DNAJC5B: variants seen among roughly 807,000 people sequenced by gnomAD.
DNAJC5B encodes dnaJ homolog subfamily C member 5B.
Under a neutral mutation model 24.7 loss-of-function variants are expected in DNAJC5B, and 23 were observed. That is an observed-to-expected ratio of 0.93 (90% CI 0.67 to 1.32). The LOEUF (loss-of-function observed/expected upper bound fraction) is 1.32. Among genes scored for constraint, DNAJC5B ranks in the 40% most tolerant of loss-of-function variants. The pLI is 0.00. For missense variants in DNAJC5B, 238 were observed against 240.8 expected (o/e 0.99, Z 0.08); for synonymous variants, 101 against 90.1 (o/e 1.12, Z -0.68).
intron 1 of DNAJC5B, among the ~76,000 whole-genome samples, chr8:66,024,695 C>T (rs1430877288): frequency 1.9e-4 from 8 of 41,364 alleles, no homozygotes; most frequent in South Asian, 8.5e-4. Context: ...TTTGTTCTTG[C>T]GATAGTTTAC....
At chr8:66,082,988 ATTTTC>A (rs1301014918) in intron 5 of DNAJC5B, among the ~76,000 whole-genome samples, 2 of 98,056 alleles carry the variant, frequency 2.0e-5, no homozygotes, top group Non-Finnish European at 4.5e-5. Context: ...ATTTTGTAAT[ATTTTC>A]TTTTCTTTTC....
chr8:66,035,203 G>T (rs570741440), intron 1 of DNAJC5B, among the ~76,000 whole-genome samples: 1 of 152,122 alleles, frequency 6.6e-6, no homozygotes, highest in Non-Finnish European at 1.5e-5. Flanking sequence ...CACCATCCCT[G>T]GAAATCTAGT....
intron 5 of DNAJC5B, among the ~76,000 whole-genome samples, chr8:66,094,294 GA>G (rs1189389938): frequency 6.6e-6 from 1 of 152,036 alleles, no homozygotes; most frequent in Admixed American, 6.6e-5. Flanking sequence ...TTAAGAATCT[GA>G]GTCTTTTAAT....
At chr8:66,073,991 A>G (rs779847537) in intron 3 of DNAJC5B, among the ~76,000 whole-genome samples, 2 of 152,256 alleles carry the variant, frequency 1.3e-5, no homozygotes, top group Non-Finnish European at 2.9e-5. Context: ...AAAGTAAAAC[A>G]ACAAGAAAGC....
At position 66,072,397 on chromosome 8, in the gene DNAJC5B, C is replaced by T. The variant is rs761661968; in HGVS notation, c.120-4263C>T. Among the ~76,000 whole-genome samples the T allele has an allele frequency of 1.0e-3, 153 of 152,148 alleles. 1 individual carries two copies. The Middle Eastern group carries it at 0.014, about 14-fold the overall frequency. ...AAGGATATAGAAGATTTGAACAAAA[C>T]AATTAACAAACAAAATCAAAAACTA... On this transcript the variant is annotated intron_variant, in intron 3 of 5. Coordinates refer to ENST00000276570, the MANE Select transcript of DNAJC5B (RefSeq NM_033105.6).
intron 3 of DNAJC5B, among the ~76,000 whole-genome samples, chr8:66,074,000 GC>G (rs1254157529): frequency 6.6e-6 from 1 of 152,120 alleles, no homozygotes; most frequent in Non-Finnish European, 1.5e-5. Context: ...CAACAAGAAA[GC>G]CCCAGAATGG....
chr8:66,016,290 T>C, the DNAJC5B span, among the ~76,000 whole-genome samples: 1 of 152,182 alleles, frequency 6.6e-6, no homozygotes, highest in Non-Finnish European at 1.5e-5. Context: ...AATCCTCACA[T>C]GTTGTGGGAG....
intron 3 of DNAJC5B, among the ~76,000 whole-genome samples, chr8:66,073,799 C>T (rs1001344422): frequency 6.6e-6 from 1 of 152,074 alleles, no homozygotes; most frequent in Non-Finnish European, 1.5e-5. Flanking sequence ...GATTAGACAT[C>T]TACCCTCCAG....
chr8:66,084,442 T>C (rs996457234), intron 5 of DNAJC5B, among the ~76,000 whole-genome samples: 1 of 152,182 alleles, frequency 6.6e-6, no homozygotes, highest in African/African-American at 2.4e-5. Flanking sequence ...GCAAACTGTT[T>C]ATCACTTGGG....
intron 5 of DNAJC5B, among the ~76,000 whole-genome samples, chr8:66,092,613 T>A (rs1336121932): frequency 1.3e-5 from 2 of 152,174 alleles, no homozygotes; most frequent in Non-Finnish European, 2.9e-5. Flanking sequence ...GAGCTCCTTG[T>A]TTGCTCTTCC....
At chr8:66,071,082 C>G (rs930458034) in intron 3 of DNAJC5B, among the ~76,000 whole-genome samples, 3 of 152,144 alleles carry the variant, frequency 2.0e-5, no homozygotes, top group African/African-American at 4.8e-5. Flanking sequence ...AATGTAAGAC[C>G]TAGTACCATA....
intron 3 of DNAJC5B, among the ~76,000 whole-genome samples, chr8:66,066,311 G>A (rs186219119): frequency 6.6e-6 from 1 of 152,238 alleles, no homozygotes; most frequent in African/African-American, 2.4e-5. Flanking sequence ...CACTATGGAA[G>A]ACAGCATTGA....
intron 1 of DNAJC5B, among the ~76,000 whole-genome samples, 160 bp downstream of exon 1, chr8:66,021,865 T>A (rs1806133260): frequency 6.6e-6 from 1 of 152,198 alleles, no homozygotes; most frequent in Admixed American, 6.5e-5. Flanking sequence ...GTGAGGACAT[T>A]TCCGAGGCTG....
intron 1 of DNAJC5B, among the ~76,000 whole-genome samples, chr8:66,025,914 C>CT (rs1563583049): frequency 1.0e-5 from 1 of 97,560 alleles, no homozygotes; most frequent in Non-Finnish European, 1.8e-5. Context: ...GATGCGGGCT[C>CT]TTTTTTGGTT....
intron 1 of DNAJC5B, among the ~76,000 whole-genome samples, chr8:66,030,161 G>A (rs943556640): frequency 1.8e-4 from 27 of 152,244 alleles, no homozygotes; most frequent in African/African-American, 5.1e-4. Flanking sequence ...ATCAGGAGGC[G>A]AGTCTTCTGC....
chr8:66,096,486 G>T (rs1054871011), intron 5 of DNAJC5B, among the ~76,000 whole-genome samples: 1 of 152,094 alleles, frequency 6.6e-6, no homozygotes, highest in Non-Finnish European at 1.5e-5. Flanking sequence ...CAGTGATGAT[G>T]AATTTTTCTA....
chr8:66,049,808 G>A (rs964826133), intron 2 of DNAJC5B, among the ~76,000 whole-genome samples: 12 of 152,214 alleles, frequency 7.9e-5, no homozygotes, highest in South Asian at 4.1e-4. Flanking sequence ...CATAGAGCAC[G>A]ATGCTCACAA....
At position 66,095,101 on chromosome 8, in the gene DNAJC5B, T is replaced by C. The variant is rs1807921523; in HGVS notation, c.506-4836T>C. Among the ~76,000 whole-genome samples, 6 of 152,134 alleles carry C rather than the reference T, an allele frequency of 3.9e-5. No homozygotes were observed. The South Asian group carries it at 1.2e-3, about 31-fold the overall frequency. ...TTCCTTACTGTATTTTGTATCAAGA[T>C]TATGCCTCATGAAATAAATTACGAA... On this transcript the variant is annotated intron_variant, in intron 5 of 5. Transcript: ENST00000276570.
chr8:66,092,925 G>A (rs985665986), intron 5 of DNAJC5B, among the ~76,000 whole-genome samples: 1 of 151,606 alleles, frequency 6.6e-6, no homozygotes, highest in African/African-American at 2.4e-5. Flanking sequence ...CCCAGGTAGT[G>A]AGCATAGTAC....
Sources: gnomAD v4.1 joint callset for allele counts (sites outside exome capture counted in the v4.1 genomes callset) on GRCh38, gnomAD v4.1.1 for gene constraint, MANE v1.5 for transcripts, NCBI Gene and HGNC (gene_info 2026-07-23, HGNC 2026-07-21) for gene names.